UTY: variants seen among roughly 807,000 people sequenced by gnomAD.
UTY encodes the protein histone demethylase UTY.
A neutral mutation model predicts 32.5 loss-of-function variants in UTY; 12 were observed. The observed-to-expected ratio is 0.37, with a 90% CI of 0.24 to 0.60. The LOEUF (loss-of-function observed/expected upper bound fraction) is 0.60. Among genes scored for constraint, UTY ranks in the 20% least tolerant of loss-of-function variants. UTY has a pLI of 0.69. For missense variants in UTY, 303 were observed against 299.2 expected (o/e 1.01, Z -0.09); for synonymous variants, 131 against 103.4 (o/e 1.27, Z -1.62).
intron 8 of UTY, among the ~76,000 whole-genome samples, chrY:13,382,455 A>G: frequency 3.0e-5 from 1 of 33,667 alleles, no homozygotes; most frequent in African/African-American, 1.2e-4. Context: ...AGGGTATGTA[A>G]GAGTCAACTC....
intron 15 of UTY, among the ~76,000 whole-genome samples, chrY:13,356,447 G>A: frequency 3.3e-5 from 1 of 29,982 alleles, no homozygotes; most frequent in African/African-American, 1.3e-4. Flanking sequence ...GAGCCACCAC[G>A]CCCGGCCCCG....
At chrY:13,268,036 T>C in intron 27 of UTY, among the ~76,000 whole-genome samples, 1 of 32,373 alleles carries the variant, frequency 3.1e-5, no homozygotes, top group Non-Finnish European at 7.6e-5. Flanking sequence ...CTTTGTGGTG[T>C]TCTCTGGGTA....
intron 27 of UTY, among the ~76,000 whole-genome samples, chrY:13,264,899 C>A: frequency 3.0e-5 from 1 of 33,301 alleles, no homozygotes; most frequent in Non-Finnish European, 7.4e-5. Flanking sequence ...AGTCTTTAAT[C>A]CATATGAGTT....
intron 28 of UTY, among the ~76,000 whole-genome samples, chrY:13,254,935 C>G: frequency 2.7e-4 from 9 of 33,075 alleles, no homozygotes; most frequent in Non-Finnish European, 6.7e-4. Flanking sequence ...TTTGGTGAAT[C>G]AAATTACTGA....
At chrY:13,255,144 C>T in intron 28 of UTY, among the ~76,000 whole-genome samples, 2 of 32,960 alleles carry the variant, frequency 6.1e-5, no homozygotes, top group African/African-American at 2.4e-4. Flanking sequence ...GTGAAGGGCC[C>T]GATGGACAAC....
At chrY:13,238,511 G>A (rs2053871883) in intron 28 of UTY, among the ~76,000 whole-genome samples, 2 of 33,270 alleles carry the variant, frequency 6.0e-5, no homozygotes, top group African/African-American at 1.2e-4. Context: ...ATCAGAATAA[G>A]TCACCTGGGG....
At chrY:13,393,566 T>C in intron 8 of UTY, 1 of 44,732 alleles carries the variant, frequency 2.2e-5, no homozygotes, top group African/African-American at 1.1e-4. Flanking sequence ...ATAGCAAGTA[T>C]TGTATTTAGG....
intron 6 of UTY, among the ~76,000 whole-genome samples, chrY:13,405,502 T>C: frequency 3.1e-5 from 1 of 32,477 alleles, no homozygotes; most frequent in Non-Finnish European, 7.6e-5. Flanking sequence ...TAGTTTTCTA[T>C]ATAGCATAGC....
intron 8 of UTY, among the ~76,000 whole-genome samples, chrY:13,380,000 TAC>T (rs2065870850): frequency 7.9e-5 from 1 of 12,717 alleles, no homozygotes; most frequent in South Asian, 2.1e-3. Flanking sequence ...TATATATATA[TAC>T]ACACATCTAT....
intron 2 of UTY, among the ~76,000 whole-genome samples, chrY:13,471,972 A>G (rs754702146): frequency 5.9e-5 from 2 of 33,864 alleles, no homozygotes; most frequent in East Asian, 1.5e-3. Context: ...CTTAAAATAC[A>G]TATCTAAAAT....
chrY:13,409,600 A>T (rs2070612516), intron 6 of UTY, among the ~76,000 whole-genome samples: 1 of 33,851 alleles, frequency 3.0e-5, no homozygotes, highest in South Asian at 6.5e-4. Flanking sequence ...CAAGCTCCTC[A>T]CAGTAATCTC....
chrY:13,390,032 G>T, intron 8 of UTY, among the ~76,000 whole-genome samples: 1 of 33,408 alleles, frequency 3.0e-5, no homozygotes, highest in South Asian at 6.7e-4. Context: ...TTCTTTTGGG[G>T]ATGATTCATT....
chrY:13,459,506 C>T (rs761848444), intron 3 of UTY, among the ~76,000 whole-genome samples: 5 of 33,102 alleles, frequency 1.5e-4, no homozygotes, highest in Admixed American at 2.8e-4. Flanking sequence ...GTTTCTCTGT[C>T]GAATTTACCT....
At chrY:13,288,354 T>A (rs2057557588) in intron 27 of UTY, among the ~76,000 whole-genome samples, 1 of 27,317 alleles carries the variant, frequency 3.7e-5, no homozygotes, top group East Asian at 9.2e-4. Context: ...AAAAGATCCA[T>A]TCAGTAAATT....
At position 13,355,347 on chromosome Y, in the gene UTY, C is replaced by T; in HGVS notation, c.1717G>A (p.Ala573Thr). 2.5e-6 allele frequency: 1 copy of T among 398,441 alleles called. No individual in the cohort carries two copies. Among genetic ancestry groups the T allele is most frequent in the Non-Finnish European group, 3.5e-6 (1 of 283,370 alleles). The change falls in exon 17 of 30, where the codon GCC (alanine) becomes ACC (threonine). Residue 573 changes from alanine to threonine, a missense_variant. Transcript: ENST00000545955. Reference sequence around the variant, plus strand: ...GTAGGCAGTGATGAATCAGTTATGGCCCCGTTATGAATTCCAGTAGTTCGT... The same window carrying T: ...GTAGGCAGTGATGAATCAGTTATGGTCCCGTTATGAATTCCAGTAGTTCGT... ...QVRTTGIHNG[A>T]ITDSSLPTNS...
chrY:13,417,630 T>C (rs758600611), intron 4 of UTY, among the ~76,000 whole-genome samples: 5 of 33,178 alleles, frequency 1.5e-4, no homozygotes, highest in African/African-American at 5.9e-4. Flanking sequence ...TTACCCTTTG[T>C]GGCCTTGCTT....
chrY:13,389,547 T>A, intron 8 of UTY, among the ~76,000 whole-genome samples: 3 of 33,703 alleles, frequency 8.9e-5, no homozygotes, highest in Admixed American at 8.2e-4. Context: ...TTTTTATATA[T>A]GTGGATGTCC....
At chrY:13,318,193 GTAATAATAATAA>G (rs565680061) in intron 21 of UTY, among the ~76,000 whole-genome samples, 1 of 24,788 alleles carries the variant, frequency 4.0e-5, no homozygotes, top group African/African-American at 1.8e-4. Context: ...AGTAATAATA[GTAATAATAATAA>G]TAATAATAAT....
downstream of UTY, among the ~76,000 whole-genome samples, chrY:13,244,912 T>C (rs760913863): frequency 1.8e-4 from 6 of 33,460 alleles, no homozygotes; most frequent in East Asian, 4.6e-3. Flanking sequence ...TTGTCCAATA[T>C]TAAGACCTAT....
Sources: gnomAD v4.1 joint callset for allele counts (sites outside exome capture counted in the v4.1 genomes callset) on GRCh38, gnomAD v4.1.1 for gene constraint, MANE v1.5 for transcripts, NCBI Gene and HGNC (gene_info 2026-07-23, HGNC 2026-07-21) for gene names.